The following TBX15 variants were observed in gnomAD, a reference collection of about 807,000 sequenced individuals.
TBX15 encodes T-box transcription factor TBX15.
In TBX15, 18 loss-of-function variants were observed where a neutral mutation model predicts 53.9. The observed-to-expected ratio is 0.33, with a 90% CI of 0.23 to 0.49. The LOEUF is 0.49. Among genes scored for constraint, TBX15 ranks in the 20% least tolerant of loss-of-function variants. The probability of loss-of-function intolerance (pLI) is 0.98; values close to 1 mark genes in which losing one functional copy is unlikely to be tolerated. For synonymous variants in TBX15, 295 were observed against 278.0 expected (o/e 1.06, Z -0.61); for missense variants, 692 against 749.5 (o/e 0.92, Z 0.90).
At chr1:118,930,550 G>A (rs1655744975) in intron 2 of TBX15, among the ~76,000 whole-genome samples, 1 of 152,062 alleles carries the variant, frequency 6.6e-6, no homozygotes, top group African/African-American at 2.4e-5. Flanking sequence ...CAAGTGGCAG[G>A]GATTACAGGC....
rs1414991487 is a variant in TBX15, at chr1:118,924,733, A to G, written c.606T>C (p.Ser202=). Residue 202 remains serine, a synonymous_variant, in exon 4 of 8, where the codon TCT becomes TCC. Coordinates refer to ENST00000369429, the MANE Select transcript of TBX15 (RefSeq NM_001330677.2). Reference sequence around the variant, plus strand: ...TCATCCAGGTGTCTCCAGAAGCTAGAGAATCAGGGTGTATATAAACTCTTG... The same window carrying G: ...TCATCCAGGTGTCTCCAGAAGCTAGGGAATCAGGGTGTATATAAACTCTTG... ...VPPRVYIHPD[S]LASGDTWMRQ... 6.2e-7 allele frequency: 1 copy of G among 1,614,124 alleles called. No homozygotes were observed. Among genetic ancestry groups the G allele is most frequent in the Non-Finnish European group, 8.5e-7 (1 of 1,179,990 alleles).
intron 1 of TBX15, among the ~76,000 whole-genome samples, chr1:118,975,799 C>T (rs1050214788): frequency 6.6e-6 from 1 of 152,194 alleles, no homozygotes; most frequent in Non-Finnish European, 1.5e-5. Context: ...TGAGCAAAGA[C>T]AATGCTTGGA....
intron 1 of TBX15, among the ~76,000 whole-genome samples, chr1:118,974,814 G>A (rs372058162): frequency 6.6e-6 from 1 of 152,192 alleles, no homozygotes; most frequent in African/African-American, 2.4e-5. Flanking sequence ...TGTACTTGCC[G>A]TGGGTCCTCA....
intron 1 of TBX15, among the ~76,000 whole-genome samples, chr1:118,980,588 G>A (rs992673180): frequency 6.6e-6 from 1 of 152,058 alleles, no homozygotes; most frequent in Middle Eastern, 3.2e-3. Flanking sequence ...CCCAAATCAC[G>A]ATGTTTCTCT....
At chr1:118,912,369 G>A (rs946793665) in intron 6 of TBX15, among the ~76,000 whole-genome samples, 1 of 151,908 alleles carries the variant, frequency 6.6e-6, no homozygotes, top group Non-Finnish European at 1.5e-5. Flanking sequence ...GGAAAAATGT[G>A]CATCTATTCA....
In TBX15 at chr1:118,914,222, G is replaced by C. The variant is rs1194423763; in HGVS notation, c.862-43C>G. 3.2e-6 allele frequency: 5 copies of C among 1,565,936 alleles called. No individual in the cohort carries two copies. In the African/African-American group the frequency reaches 5.4e-5, roughly 17 times the overall value. On this transcript the variant is annotated intron_variant, in intron 5 of 7. Coordinates refer to ENST00000369429, the MANE Select transcript of TBX15 (RefSeq NM_001330677.2). Reference sequence around the variant, plus strand: ...AGTATGAATTGCTTTTATATTAACTGATTTCTTTCTTAGTACTCCTAGAAA... The same window carrying C: ...AGTATGAATTGCTTTTATATTAACTCATTTCTTTCTTAGTACTCCTAGAAA...
chr1:118,914,205 T>C, intron 5 of TBX15, 26 bp from the exon 6 acceptor site: 3 of 1,604,066 alleles, frequency 1.9e-6, no homozygotes, highest in South Asian at 1.1e-5. Flanking sequence ...TAAGTATGAA[T>C]TGCTTTTATA....
chr1:118,891,496 T>A lies in TBX15; in HGVS notation c.1025-5980A>T, dbSNP rs1441174419. On this transcript the variant is annotated intron_variant, in intron 7 of 7. Transcript: ENST00000369429. ...ATCTAGTTTTCCCACTATTACACACTTTCTCCCACTCTCACTGCCTTAGCC... is the reference window on the plus strand; with the variant it reads ...ATCTAGTTTTCCCACTATTACACACATTCTCCCACTCTCACTGCCTTAGCC... Among the ~76,000 whole-genome samples, 7 of 152,292 alleles carry A rather than the reference T, an allele frequency of 4.6e-5. No individual in the cohort carries two copies. In the South Asian group the frequency reaches 1.5e-3, roughly 32 times the overall value.
chr1:118,893,297 G>GGAA (rs1491478137), intron 7 of TBX15, among the ~76,000 whole-genome samples: 1 of 126,252 alleles, frequency 7.9e-6, no homozygotes, highest in South Asian at 2.6e-4. Context: ...AAGGAAGGAA[G>GGAA]GAAGGAAGGA....
chr1:118,961,554 T>A (rs1656873537), intron 1 of TBX15, among the ~76,000 whole-genome samples: 1 of 152,202 alleles, frequency 6.6e-6, no homozygotes, highest in African/African-American at 2.4e-5. Flanking sequence ...TCTGACTCTC[T>A]GAAGCAGAAG....
chr1:118,987,247 C>T (rs548447932), intron 1 of TBX15, among the ~76,000 whole-genome samples: 123 of 152,336 alleles, frequency 8.1e-4, no homozygotes, highest in Admixed American at 1.8e-3. Flanking sequence ...GATCTCGGCT[C>T]CCGCCGTTGC....
chr1:118,887,792 A>G (rs1461583824), intron 7 of TBX15, among the ~76,000 whole-genome samples: 1 of 152,128 alleles, frequency 6.6e-6, no homozygotes. Flanking sequence ...TCAAAGAGGA[A>G]CCGAAAGTTA....
intron 6 of TBX15, among the ~76,000 whole-genome samples, chr1:118,900,125 A>C (rs943229520): frequency 5.9e-5 from 9 of 152,112 alleles, no homozygotes; most frequent in Non-Finnish European, 2.9e-5. Context: ...TAAAAAAAAA[A>C]CTGCTTCACT....
chr1:118,931,905 G>T (rs1047112536), intron 1 of TBX15, 73 bp from the exon 2 acceptor site: 5 of 1,455,452 alleles, frequency 3.4e-6, no homozygotes, highest in Non-Finnish European at 3.7e-6. Context: ...AAAAGATGGG[G>T]GTGGGAAATG....
At chr1:118,928,653 G>A (rs1655677386) in intron 2 of TBX15, among the ~76,000 whole-genome samples, 1 of 152,132 alleles carries the variant, frequency 6.6e-6, no homozygotes, top group African/African-American at 2.4e-5. Flanking sequence ...AGAAAATATG[G>A]TTTCCCCCAG....
chr1:118,893,406 A>ATGG (rs1654250862), intron 7 of TBX15, among the ~76,000 whole-genome samples: 1 of 119,148 alleles, frequency 8.4e-6, no homozygotes, highest in African/African-American at 3.8e-5. Context: ...AGAAAGAAAG[A>ATGG]AAGGAAGAAG....
At chr1:118,901,866 G>C (rs1041769468) in intron 6 of TBX15, among the ~76,000 whole-genome samples, 1 of 152,138 alleles carries the variant, frequency 6.6e-6, no homozygotes, top group African/African-American at 2.4e-5. Context: ...ACCTTCCTTA[G>C]CTAACGAACA....
rs1653831279 is a variant in TBX15, at chr1:118,884,124, G to A, written c.*608C>T. On this transcript the variant is annotated 3_prime_UTR_variant, in exon 8 of 8. Coordinates refer to ENST00000369429, the MANE Select transcript of TBX15 (RefSeq NM_001330677.2). ...GTCTTTCCACTCTCATCCATTGGGA[G>A]GGTCTCCAGGATACATGGTTCATTC... 3 of 154,758 alleles carry A rather than the reference G, an allele frequency of 1.9e-5. No homozygotes were observed. The highest frequency in any genetic ancestry group is 1.3e-4 in the Admixed American group (2 of 15,648). The allele number at this position is 154,758 out of a possible 1,614,324, so 9.6% of individuals were successfully genotyped here. A position where few individuals can be genotyped will look rare whatever the true frequency, so the allele number is the denominator to read the frequency against.
At position 118,907,287 on chromosome 1, in the gene TBX15, G is replaced by A. The variant is rs555018313; in HGVS notation, c.926+6828C>T. ...AGGTCACAGACAGGATGAAGGCTCC[G>A]TCAGAGGAAATCCCAGAGTCTTTCA... On this transcript the variant is annotated intron_variant, in intron 6 of 7. Coordinates refer to ENST00000369429, the MANE Select transcript of TBX15 (RefSeq NM_001330677.2). Among the ~76,000 whole-genome samples the A allele has an allele frequency of 9.8e-5, 15 of 152,310 alleles. No individual in the cohort carries two copies. The South Asian group carries it at 1.2e-3, about 13-fold the overall frequency.
Sources: allele counts gnomAD v4.1 joint callset (sites outside exome capture counted in the v4.1 genomes callset), GRCh38; gene constraint gnomAD v4.1.1; transcripts MANE v1.5; gene names NCBI Gene and HGNC (gene_info 2026-07-23, HGNC 2026-07-21).